MAGI2: variants seen among roughly 807,000 people sequenced by gnomAD.
MAGI2 encodes membrane-associated guanylate kinase, WW and PDZ domain-containing protein 2.
In MAGI2, 35 loss-of-function variants were observed where a neutral mutation model predicts 133.3. The ratio of observed to expected loss-of-function variants is 0.26; its 90% confidence interval spans 0.20 to 0.35. The LOEUF (loss-of-function observed/expected upper bound fraction) is 0.35, where lower values mean the gene tolerates loss of function less well. MAGI2 is among the 10% of genes least tolerant of loss of function. The pLI is 1.00. For missense variants in MAGI2, 1,636 were observed against 1,863.4 expected, an observed-to-expected ratio of 0.88 and a Z score of 2.25; for synonymous variants, 729 against 710.6, an observed-to-expected ratio of 1.03 and a Z score of -0.41.
At chr7:78,878,783 C>T (rs2151538347) in intron 2 of MAGI2, among the ~76,000 whole-genome samples, 1 of 152,284 alleles carries the variant, frequency 6.6e-6, no homozygotes, top group African/African-American at 2.4e-5. Flanking sequence ...TTCTCCACTC[C>T]ATGCCCAGGC....
At chr7:78,322,770 G>A (rs1233749868) in intron 9 of MAGI2, among the ~76,000 whole-genome samples, 2 of 151,960 alleles carry the variant, frequency 1.3e-5, no homozygotes, top group Middle Eastern at 3.2e-3. Flanking sequence ...AAAAAATTAG[G>A]TGAACTAAAT....
intron 2 of MAGI2, among the ~76,000 whole-genome samples, chr7:78,995,266 A>G (rs1251230007): frequency 3.9e-5 from 6 of 152,232 alleles, no homozygotes; most frequent in African/African-American, 1.4e-4. Context: ...CAAATGGCCT[A>G]TGGGCTGTGG....
intron 2 of MAGI2, among the ~76,000 whole-genome samples, chr7:78,933,502 T>A (rs1013522424): frequency 2.0e-5 from 3 of 152,128 alleles, no homozygotes; most frequent in Non-Finnish European, 1.5e-5. Context: ...GTGATGATGA[T>A]GAACAATATG....
intron 10 of MAGI2, among the ~76,000 whole-genome samples, chr7:78,217,518 G>T (rs1263675854): frequency 6.6e-6 from 1 of 152,098 alleles, no homozygotes; most frequent in Non-Finnish European, 1.5e-5. Context: ...GGCAATTTTG[G>T]ATATATTGTC....
chr7:78,964,028 C>A (rs1803093107), intron 2 of MAGI2, among the ~76,000 whole-genome samples: 1 of 151,902 alleles, frequency 6.6e-6, no homozygotes, highest in African/African-American at 2.4e-5. Flanking sequence ...CCTAATTTTG[C>A]TTGTTTGATA....
At chr7:78,637,535 A>C (rs1343344595) in intron 2 of MAGI2, among the ~76,000 whole-genome samples, 1 of 152,034 alleles carries the variant, frequency 6.6e-6, no homozygotes, top group African/African-American at 2.4e-5. Context: ...ATCTCCAAAA[A>C]GTAAGAAATA....
intron 1 of MAGI2, among the ~76,000 whole-genome samples, chr7:79,063,593 T>C (rs1442648506): frequency 1.3e-5 from 2 of 152,068 alleles, no homozygotes; most frequent in South Asian, 2.1e-4. Flanking sequence ...GTTTTATTAA[T>C]TTACTGATTT....
chr7:78,076,330 GCA>G (rs1277702702), intron 21 of MAGI2, among the ~76,000 whole-genome samples: 2 of 151,820 alleles, frequency 1.3e-5, no homozygotes, highest in African/African-American at 4.8e-5. Flanking sequence ...TTGGTGGCTT[GCA>G]CCTGTAGTCC....
intron 3 of MAGI2, among the ~76,000 whole-genome samples, chr7:78,567,442 G>A (rs1057037278): frequency 6.6e-6 from 1 of 151,934 alleles, no homozygotes; most frequent in African/African-American, 2.4e-5. Context: ...TGACAAATGA[G>A]TGACTTTTTT....
chr7:79,211,791 C>T (rs1011230370), intron 1 of MAGI2, among the ~76,000 whole-genome samples: 7 of 151,846 alleles, frequency 4.6e-5, no homozygotes, highest in Non-Finnish European at 7.4e-5. Context: ...AGGAGGGTGG[C>T]GAGGGCTATT....
chr7:78,039,345 G>A (rs1810564857), intron 21 of MAGI2, among the ~76,000 whole-genome samples: 1 of 152,132 alleles, frequency 6.6e-6, no homozygotes, highest in South Asian at 2.1e-4. Context: ...CTGGTTCTGG[G>A]GACCAAAGAC....
intron 9 of MAGI2, among the ~76,000 whole-genome samples, chr7:78,312,501 A>G (rs539309238): frequency 1.3e-5 from 2 of 152,246 alleles, no homozygotes; most frequent in African/African-American, 2.4e-5. Context: ...AATATCCAGA[A>G]TCTACAAGGA....
At chr7:78,600,174 A>G (rs1805044761) in intron 3 of MAGI2, among the ~76,000 whole-genome samples, 1 of 152,192 alleles carries the variant, frequency 6.6e-6, no homozygotes, top group African/African-American at 2.4e-5. Flanking sequence ...ATACATAAAG[A>G]ATTAAACACA....
intron 2 of MAGI2, among the ~76,000 whole-genome samples, chr7:78,998,866 A>G (rs1323024076): frequency 6.6e-6 from 1 of 152,050 alleles, no homozygotes; most frequent in East Asian, 1.9e-4. Context: ...ATTTTTTTCT[A>G]TTCAAAATGT....
chr7:78,502,899 TGAA>T (rs903474732), intron 4 of MAGI2, among the ~76,000 whole-genome samples: 1 of 152,048 alleles, frequency 6.6e-6, no homozygotes, highest in Admixed American at 6.6e-5. Context: ...TTATCTAAGA[TGAA>T]GAAACACCAG....
intron 6 of MAGI2, among the ~76,000 whole-genome samples, chr7:78,465,439 C>T (rs779310993): frequency 1.1e-4 from 16 of 152,180 alleles, no homozygotes; most frequent in Non-Finnish European, 1.9e-4. Context: ...ACTATTAACA[C>T]GTGCATTTCA....
intron 2 of MAGI2, among the ~76,000 whole-genome samples, chr7:78,968,744 T>A (rs75921261): frequency 6.6e-6 from 1 of 152,036 alleles, no homozygotes; most frequent in African/African-American, 2.4e-5. Context: ...GCACTATAAA[T>A]CCAATTTATT....
chr7:78,918,844 C>T (rs921320245), intron 2 of MAGI2, among the ~76,000 whole-genome samples: 4 of 151,892 alleles, frequency 2.6e-5, no homozygotes, highest in African/African-American at 9.7e-5. Context: ...TACGATGAAA[C>T]TCATTTTACA....
intron 2 of MAGI2, among the ~76,000 whole-genome samples, chr7:78,987,695 A>C (rs1805390657): frequency 6.6e-6 from 1 of 152,084 alleles, no homozygotes; most frequent in African/African-American, 2.4e-5. Flanking sequence ...ATGAATAGCA[A>C]TAAGAATTTT....
Sources: gnomAD v4.1 joint callset for allele counts (sites outside exome capture counted in the v4.1 genomes callset) on GRCh38, gnomAD v4.1.1 for gene constraint, MANE v1.5 for transcripts, NCBI Gene and HGNC (gene_info 2026-07-23, HGNC 2026-07-21) for gene names.